PACSIN2: variants seen among roughly 807,000 people sequenced by gnomAD.
PACSIN2 encodes the protein protein kinase C and casein kinase substrate in neurons protein 2.
In PACSIN2, 25 loss-of-function variants were observed where a neutral mutation model predicts 63.8. The ratio of observed to expected loss-of-function variants is 0.39; its 90% CI spans 0.29 to 0.55. The LOEUF is 0.55. PACSIN2 is among the 20% of genes least tolerant of loss of function. The pLI is 0.62. For missense variants in PACSIN2, 518 were observed against 646.9 expected, an observed-to-expected ratio of 0.80 and a Z score of 2.16; for synonymous variants, 255 against 256.2, an observed-to-expected ratio of 1.00 and a Z score of 0.05.
At chr22:42,941,241 C>A (rs965969943) in intron 1 of PACSIN2, among the ~76,000 whole-genome samples, 6 of 152,116 alleles carry the variant, frequency 3.9e-5, no homozygotes, top group Non-Finnish European at 5.9e-5. Context: ...CTTTTTGTTG[C>A]TAAGTAATAT....
chr22:42,909,782 G>C (rs1931327030), intron 2 of PACSIN2, among the ~76,000 whole-genome samples: 1 of 152,186 alleles, frequency 6.6e-6, no homozygotes, highest in South Asian at 2.1e-4. Context: ...TTAACAAGCA[G>C]CTGAAGAATT....
intron 2 of PACSIN2, among the ~76,000 whole-genome samples, chr22:42,902,063 T>C (rs1194483441): frequency 1.3e-5 from 2 of 152,216 alleles, no homozygotes; most frequent in Non-Finnish European, 2.9e-5. Flanking sequence ...TTAAGGAACA[T>C]CCACTGTGTG....
intron 1 of PACSIN2, among the ~76,000 whole-genome samples, chr22:42,995,946 C>T (rs1178199752): frequency 6.6e-6 from 1 of 152,128 alleles, no homozygotes; most frequent in Non-Finnish European, 1.5e-5. Context: ...ATTGGCTGGG[C>T]GTGGTGGCTC....
intron 1 of PACSIN2, among the ~76,000 whole-genome samples, chr22:42,969,851 C>A (rs1921112410): frequency 6.6e-6 from 1 of 151,146 alleles, no homozygotes; most frequent in Non-Finnish European, 1.5e-5. Flanking sequence ...TGCAATGAAT[C>A]ATGATCCCAC....
chr22:42,879,127 TCTC>T lies in PACSIN2; in HGVS notation c.946_948del (p.Glu316del). 1 of 1,613,950 alleles carries T rather than the reference TCTC, an allele frequency of 6.2e-7. No homozygotes were observed. Among genetic ancestry groups the T allele is most frequent in the East Asian group, 2.2e-5 (1 of 44,874 alleles). On this transcript the variant is annotated inframe_deletion, in exon 8 of 11. Transcript: ENST00000263246. ...GTGACGCCGTCAGTGGCCTTCTTCT[TCTC>T]TCTCCGGCTGAGGGTTCGATTCAGG...
intron 1 of PACSIN2, among the ~76,000 whole-genome samples, chr22:42,932,435 G>C (rs951793248): frequency 6.6e-6 from 1 of 152,098 alleles, no homozygotes; most frequent in African/African-American, 2.4e-5. Flanking sequence ...TTCCCCTCTA[G>C]ACAGTGAATT....
At chr22:42,897,151 G>T (rs149302878) in intron 2 of PACSIN2, among the ~76,000 whole-genome samples, 1,598 of 152,202 alleles carry the variant, frequency 0.01, 29 homozygotes, top group African/African-American at 0.036. Context: ...TGCCTAGGCT[G>T]GTCTTGAATT....
At chr22:42,985,997 T>C (rs540476828) in intron 1 of PACSIN2, among the ~76,000 whole-genome samples, 25 of 152,198 alleles carry the variant, frequency 1.6e-4, no homozygotes, top group Non-Finnish European at 8.8e-5. Context: ...ATCGAGGTCT[T>C]CTTGATTGGG....
intron 3 of PACSIN2, 37 bp downstream of exon 3, chr22:42,893,420 G>T (rs769799478): frequency 6.2e-7 from 1 of 1,602,426 alleles, no homozygotes; most frequent in Non-Finnish European, 8.5e-7. Context: ...GGGTGTAGCT[G>T]CCTCCAGGCC....
At chr22:42,924,956 C>T (rs957724862) in intron 1 of PACSIN2, among the ~76,000 whole-genome samples, 1 of 151,616 alleles carries the variant, frequency 6.6e-6, no homozygotes, top group Non-Finnish European at 1.5e-5. Context: ...CGGGGTTTCA[C>T]CTGTGTTAGC....
Position 43,003,684 on chromosome 22 carries a change from T to C in PACSIN2, c.-78+11337A>G, listed in dbSNP as rs143257796. ...ATGTGATATCACAACGTTGACAAAATGTGAAGACCTTTCGCAATTTTACAA... is the reference window on the plus strand; with the variant it reads ...ATGTGATATCACAACGTTGACAAAACGTGAAGACCTTTCGCAATTTTACAA... On this transcript the variant is annotated intron_variant, in intron 1 of 10. Coordinates refer to ENST00000263246, the MANE Select transcript of PACSIN2 (RefSeq NM_001184970.3). Among the ~76,000 whole-genome samples, 407 of 152,348 alleles carry C rather than the reference T, an allele frequency of 2.7e-3. 1 individual carries two copies. The highest frequency in any genetic ancestry group is 9.2e-3 in the African/African-American group (383 of 41,570).
chr22:42,921,870 C>G (rs1358899788), intron 1 of PACSIN2, among the ~76,000 whole-genome samples: 3 of 152,078 alleles, frequency 2.0e-5, no homozygotes, highest in African/African-American at 4.8e-5. Context: ...TCCCGAGTAG[C>G]TGGGATTACA....
At chr22:42,924,044 TAAAAAAA>T (rs770285503) in intron 1 of PACSIN2, among the ~76,000 whole-genome samples, 1 of 136,170 alleles carries the variant, frequency 7.3e-6, no homozygotes, top group Non-Finnish European at 1.6e-5. Flanking sequence ...CTGGTCTCTT[TAAAAAAA>T]AAAAAAAAAA....
At chr22:42,965,483 C>G (rs148084271) in intron 1 of PACSIN2, among the ~76,000 whole-genome samples, 1 of 152,128 alleles carries the variant, frequency 6.6e-6, no homozygotes, top group Non-Finnish European at 1.5e-5. Context: ...GGAAGAAAAG[C>G]CCCCAGCAGA....
chr22:42,926,193 G>A (rs1158664100), intron 1 of PACSIN2, among the ~76,000 whole-genome samples: 2 of 152,218 alleles, frequency 1.3e-5, no homozygotes, highest in Admixed American at 6.5e-5. Context: ...GGAACATGGT[G>A]TAGTACATTT....
At chr22:43,010,974 C>A (rs566925793) in intron 1 of PACSIN2, among the ~76,000 whole-genome samples, 56 of 152,240 alleles carry the variant, frequency 3.7e-4, no homozygotes, top group African/African-American at 1.3e-3. Flanking sequence ...TGCAGAGATA[C>A]CAAAAAATGA....
intron 5 of PACSIN2, 67 bp from the exon 6 acceptor site, chr22:42,884,628 G>A (rs1929343974): frequency 1.5e-5 from 21 of 1,356,380 alleles, no homozygotes; most frequent in Admixed American, 3.9e-5. Flanking sequence ...CCCTGCCCCT[G>A]GAGTGTCTCA....
intron 1 of PACSIN2, among the ~76,000 whole-genome samples, chr22:42,996,748 G>A (rs1056072939): frequency 2.0e-5 from 3 of 152,086 alleles, no homozygotes; most frequent in Non-Finnish European, 4.4e-5. Flanking sequence ...TGGACACACT[G>A]AATTTTTTGT....
intron 1 of PACSIN2, among the ~76,000 whole-genome samples, chr22:42,983,964 CTTT>C (rs532427677): frequency 0.046 from 4,786 of 104,456 alleles, 95 homozygotes; most frequent in African/African-American, 0.051. Context: ...GCACTTAGCA[CTTT>C]TTTTTTTTTT....
Sources: gnomAD v4.1 joint callset for allele counts (sites outside exome capture counted in the v4.1 genomes callset) on GRCh38, gnomAD v4.1.1 for gene constraint, MANE v1.5 for transcripts, NCBI Gene and HGNC (gene_info 2026-07-23, HGNC 2026-07-21) for gene names.